SGCG: variants seen among roughly 807,000 people sequenced by gnomAD.
SGCG encodes the protein gamma-sarcoglycan.
SGCG carries 26 observed loss-of-function variants against 29.3 expected under a neutral mutation model. That is an observed-to-expected ratio of 0.89 (90% CI 0.65 to 1.23). The LOEUF (loss-of-function observed/expected upper bound fraction) is 1.23, where lower values mean the gene tolerates loss of function less well. SGCG is among the 50% of genes most tolerant of loss of function. SGCG has a pLI of 0.00. For synonymous variants in SGCG, 145 were observed against 129.7 expected, an observed-to-expected ratio of 1.12 and a Z score of -0.80; for missense variants, 353 against 356.0, an observed-to-expected ratio of 0.99 and a Z score of 0.07.
At chr13:23,316,044 C>T (rs1033634360) in intron 6 of SGCG, among the ~76,000 whole-genome samples, 7 of 152,168 alleles carry the variant, frequency 4.6e-5, no homozygotes, top group African/African-American at 1.7e-4. Context: ...ATGGAGGTTA[C>T]GCATTGGCTC....
At chr13:23,214,375 C>G (rs1360478981) in intron 2 of SGCG, among the ~76,000 whole-genome samples, 1 of 152,234 alleles carries the variant, frequency 6.6e-6, no homozygotes, top group Non-Finnish European at 1.5e-5. Flanking sequence ...GTGCAGCAAA[C>G]AGCAGGACCT....
intron 3 of SGCG, chr13:23,246,620 C>G (rs1213127363): frequency 4.8e-6 from 1 of 210,208 alleles, no homozygotes; most frequent in East Asian, 1.1e-4. Flanking sequence ...TAATGACTAT[C>G]AAGAAAGAAG....
chr13:23,241,957 AAAC>A (rs1362236977), intron 3 of SGCG, among the ~76,000 whole-genome samples: 1 of 152,200 alleles, frequency 6.6e-6, no homozygotes, highest in Non-Finnish European at 1.5e-5. Flanking sequence ...AGAAAACATA[AAAC>A]AATAGAGGAA....
At chr13:23,316,727 G>T (rs1181590468) in intron 6 of SGCG, among the ~76,000 whole-genome samples, 1 of 152,154 alleles carries the variant, frequency 6.6e-6, no homozygotes, top group Non-Finnish European at 1.5e-5. Context: ...GCGACATTAC[G>T]TTCTGCTGGC....
chr13:23,299,703 C>T (rs1188047050), intron 6 of SGCG, among the ~76,000 whole-genome samples: 1 of 151,732 alleles, frequency 6.6e-6, no homozygotes, highest in African/African-American at 2.4e-5. Flanking sequence ...CTGCCCGCCT[C>T]GGCCTCCCAA....
the SGCG span, among the ~76,000 whole-genome samples, chr13:23,163,604 C>A: frequency 4.6e-5 from 7 of 152,074 alleles, no homozygotes; most frequent in Non-Finnish European, 1.0e-4. Context: ...CAAAGTATAG[C>A]TACATCAGTA....
intron 5 of SGCG, among the ~76,000 whole-genome samples, chr13:23,284,026 C>A (rs1218744387): frequency 6.6e-6 from 1 of 152,198 alleles, no homozygotes; most frequent in Non-Finnish European, 1.5e-5. Context: ...TTCTCTCTGG[C>A]TGCCCTTAAC....
chr13:23,165,966 T>C, the SGCG span, among the ~76,000 whole-genome samples: 1 of 152,232 alleles, frequency 6.6e-6, no homozygotes, highest in Non-Finnish European at 1.5e-5. Flanking sequence ...ATTTTCCAAA[T>C]AGGCAATCTT....
Position 23,324,498 on chromosome 13 carries a change from G to A in SGCG, c.833G>A (p.Gly278Asp), listed in dbSNP as rs748255972. The A allele has an allele frequency of 3.1e-6, 5 of 1,613,230 alleles. No homozygotes were observed. The highest frequency in any genetic ancestry group is 1.7e-5 in the Admixed American group (1 of 60,004). The change falls in exon 8 of 8, where the codon GGT (glycine) becomes GAT (aspartate). Residue 278 changes from glycine to aspartate, a missense_variant. Physicochemically the swap from Gly to Asp is moderately conservative, Grantham distance 94. Transcript: ENST00000218867. The part of the protein sequence containing the change: ...PDGKLYLSVA[G>D]VSTTCQEHNH... ...GGGAAGCTGTACCTGTCTGTGGCCG[G>A]TGTGAGCACCACGTGCCAGGAGCAC...
the SGCG span, among the ~76,000 whole-genome samples, chr13:23,160,707 T>C: frequency 6.6e-6 from 1 of 152,076 alleles, no homozygotes; most frequent in African/African-American, 2.4e-5. Context: ...CTGGGTCCCT[T>C]CCTTCTCCTC....
the SGCG span, among the ~76,000 whole-genome samples, chr13:23,164,932 C>G: frequency 6.6e-6 from 1 of 152,102 alleles, no homozygotes. Flanking sequence ...GCAGCCTGCT[C>G]CACACCCTTT....
chr13:23,245,392 C>T (rs950791373), intron 3 of SGCG: 5 of 152,154 alleles, frequency 3.3e-5, no homozygotes, highest in Non-Finnish European at 7.3e-5. Context: ...GCTTAATTGA[C>T]TTATGTGAGG....
intron 3 of SGCG, among the ~76,000 whole-genome samples, chr13:23,236,969 T>C (rs931049425): frequency 6.6e-6 from 1 of 152,206 alleles, no homozygotes; most frequent in Non-Finnish European, 1.5e-5. Context: ...TATGGATTGA[T>C]ATATTAGTTA....
chr13:23,227,059 G>A (rs1332744007), intron 2 of SGCG, among the ~76,000 whole-genome samples: 2 of 152,020 alleles, frequency 1.3e-5, no homozygotes, highest in African/African-American at 4.8e-5. Flanking sequence ...AAAGAAAATG[G>A]AGGCTCTTTT....
intron 7 of SGCG, among the ~76,000 whole-genome samples, chr13:23,323,430 A>C (rs1353093113): frequency 2.0e-5 from 3 of 152,212 alleles, no homozygotes; most frequent in African/African-American, 4.8e-5. Context: ...AATAGATTGG[A>C]AGGCAAGGAT....
intron 1 of SGCG, among the ~76,000 whole-genome samples, chr13:23,191,491 C>T (rs569141225): frequency 8.5e-5 from 13 of 152,340 alleles, no homozygotes; most frequent in Admixed American, 4.6e-4. Flanking sequence ...TGCTGTAGAG[C>T]ATTACAAATG....
chr13:23,295,382 TC>T lies in SGCG; in HGVS notation c.506-32del, dbSNP rs776803461. ...TTTGTTTGGTGTCACTTATTTTACT[TC>T]TGCTCCTGATACATCTTTGTTTTTT... On this transcript the variant is annotated intron_variant, in intron 5 of 7. Transcript: ENST00000218867. The T allele has an allele frequency of 6.7e-6, 10 of 1,498,500 alleles. No individual in the cohort carries two copies. The South Asian group carries it at 1.0e-4, about 15-fold the overall frequency. 92.8% of individuals were successfully genotyped at this position (1,498,500 alleles called of 1,614,324 possible). A position where few individuals can be genotyped will look rare whatever the true frequency, so the allele number is the denominator to read the frequency against.
intron 1 of SGCG, among the ~76,000 whole-genome samples, chr13:23,200,217 G>A (rs1211722085): frequency 5.3e-5 from 8 of 152,136 alleles, no homozygotes; most frequent in African/African-American, 1.9e-4. Flanking sequence ...GAGGTCAGGA[G>A]TTCAAGACCA....
At chr13:23,256,398 C>G (rs909655537) in intron 4 of SGCG, among the ~76,000 whole-genome samples, 19 of 152,024 alleles carry the variant, frequency 1.2e-4, no homozygotes, top group African/African-American at 4.6e-4. Context: ...TTTTTATATA[C>G]TTTAATTTCT....
Sources: gnomAD v4.1 joint callset for allele counts (sites outside exome capture counted in the v4.1 genomes callset) on GRCh38, gnomAD v4.1.1 for gene constraint, MANE v1.5 for transcripts, NCBI Gene and HGNC (gene_info 2026-07-23, HGNC 2026-07-21) for gene names.